Variants in SESN3 observed in about 807,000 individuals in gnomAD.
SESN3 encodes sestrin 3.
A neutral mutation model predicts 55.3 loss-of-function variants in SESN3; 21 were observed. The observed-to-expected ratio is 0.38, with a 90% CI of 0.27 to 0.55. The LOEUF is 0.55. Ranked by LOEUF, SESN3 falls within the 20% of genes least tolerant of loss-of-function variation. The pLI is 0.76. For missense variants in SESN3, 408 were observed against 604.3 expected (o/e 0.68, Z 3.41); for synonymous variants, 181 against 203.1 (o/e 0.89, Z 0.93).
chr11:95,229,627 G>A (rs560924242), intron 1 of SESN3, among the ~76,000 whole-genome samples: 11 of 152,254 alleles, frequency 7.2e-5, no homozygotes, highest in Admixed American at 5.9e-4. Flanking sequence ...TGGACAAAGA[G>A]CGCAAATATT....
intron 1 of SESN3, among the ~76,000 whole-genome samples, chr11:95,211,665 G>A (rs1046130266): frequency 1.3e-4 from 20 of 152,160 alleles, no homozygotes; most frequent in African/African-American, 4.8e-4. Flanking sequence ...AGCTACTCAG[G>A]AGGCTGAGGC....
At chr11:95,211,841 C>A (rs1475976277) in intron 1 of SESN3, among the ~76,000 whole-genome samples, 1 of 151,816 alleles carries the variant, frequency 6.6e-6, no homozygotes, top group African/African-American at 2.4e-5. Flanking sequence ...AACTAGACAA[C>A]ATGTTTAGAA....
chr11:95,229,178 T>C (rs1861002846), intron 1 of SESN3, among the ~76,000 whole-genome samples: 1 of 152,180 alleles, frequency 6.6e-6, no homozygotes, highest in Non-Finnish European at 1.5e-5. Flanking sequence ...GTCAAAGACA[T>C]AACATAAATT....
chr11:95,230,844 C>A lies in SESN3; in HGVS notation c.17G>T (p.Gly6Val). 6.3e-7 allele frequency: 1 copy of A among 1,581,184 alleles called. No individual in the cohort carries two copies. The highest frequency in any genetic ancestry group is 1.8e-5 in the Admixed American group (1 of 56,534). Residue 6 changes from glycine to valine, a missense_variant, in exon 1 of 10, where the codon GGC becomes GTC. Physicochemically the swap from Gly to Val is moderately radical, Grantham distance 109. This residue lies in a region of SESN3 where 61 missense variants were observed against 48.3 expected (regional missense o/e 1.26). Transcript: ENST00000536441. This position sits in a 1 kb window ranked among gnomAD's most constrained non-coding sequence, Gnocchi z 4.6. MNRGG[G>V]SPSAAANYLL... ...GTAGTTGGCGGCGGCCGACGGGCTG[C>A]CGCCGCCCCGGTTCATCGTGGCTGC...
chr11:95,181,980 A>G (rs1305708560), intron 6 of SESN3, among the ~76,000 whole-genome samples: 2 of 152,090 alleles, frequency 1.3e-5, no homozygotes, highest in Non-Finnish European at 2.9e-5. Flanking sequence ...ATATATATGT[A>G]TGCGGAGGGG....
At chr11:95,211,623 G>A (rs11021078) in intron 1 of SESN3, among the ~76,000 whole-genome samples, 42,276 of 151,932 alleles carry the variant, frequency 0.28, 6,308 homozygotes, top group Admixed American at 0.33. Flanking sequence ...TACAAAAATT[G>A]GCTGGGCATG....
At chr11:95,193,749 A>C (rs555295549) in intron 1 of SESN3, among the ~76,000 whole-genome samples, 3 of 152,124 alleles carry the variant, frequency 2.0e-5, no homozygotes, top group Non-Finnish European at 4.4e-5. Flanking sequence ...CAGCCTCCTC[A>C]AAATGTCATA....
intron 4 of SESN3, among the ~76,000 whole-genome samples, chr11:95,186,477 G>GAGAT (rs1471928072): frequency 1.3e-5 from 2 of 151,862 alleles, no homozygotes; most frequent in African/African-American, 4.8e-5. Context: ...ATGGCCAGGG[G>GAGAT]AGATAGGAAA....
intron 9 of SESN3, among the ~76,000 whole-genome samples, chr11:95,174,687 A>T: frequency 6.6e-6 from 1 of 152,046 alleles, no homozygotes; most frequent in East Asian, 1.9e-4. Flanking sequence ...GTTTCACTAC[A>T]TGTTGGCCTG....
At chr11:95,184,324 A>G (rs916578260) in intron 6 of SESN3, 96 bp downstream of exon 6, 1 of 957,112 alleles carries the variant, frequency 1.0e-6, no homozygotes, top group African/African-American at 1.6e-5. Flanking sequence ...GAAAGATGGT[A>G]GCAGAATCAT....
rs1158676215 is a variant in SESN3 at position 95,207,821 on chromosome 11, TG to T, written c.79-14300del. Among the ~76,000 whole-genome samples, 6 of 151,008 alleles carry T rather than the reference TG, an allele frequency of 4.0e-5. No homozygotes were observed. In the South Asian group the frequency reaches 1.1e-3, roughly 27 times the overall value. On this transcript the variant is annotated intron_variant, in intron 1 of 9. Coordinates refer to ENST00000536441, the MANE Select transcript of SESN3 (RefSeq NM_144665.4). The stretch of plus-strand genomic sequence containing the variant: ...ATTCTCTTCAATGTTCTATACTATA[TG>T]TTTTTTTTGTTTTGTTTTGTTTTGT...
intron 6 of SESN3, among the ~76,000 whole-genome samples, chr11:95,180,020 T>C (rs1860030837): frequency 6.6e-6 from 1 of 152,214 alleles, no homozygotes; most frequent in Non-Finnish European, 1.5e-5. Flanking sequence ...TTTACTATTT[T>C]TTCTGATTTT....
At chr11:95,214,368 G>A (rs911354184) in intron 1 of SESN3, among the ~76,000 whole-genome samples, 13 of 152,152 alleles carry the variant, frequency 8.5e-5, no homozygotes, top group African/African-American at 3.1e-4. Flanking sequence ...CTCAAAATTA[G>A]ATACAACCAA....
At chr11:95,191,275 G>C in intron 3 of SESN3, 129 bp downstream of exon 3, 1 of 731,552 alleles carries the variant, frequency 1.4e-6, no homozygotes, top group Non-Finnish European at 2.4e-6. Flanking sequence ...AAGGCCATAG[G>C]CTTCTTCAGT....
chr11:95,200,830 T>G (rs963812263), intron 1 of SESN3: 2 of 152,036 alleles, frequency 1.3e-5, no homozygotes, highest in Non-Finnish European at 2.9e-5. Flanking sequence ...ACATATGAAA[T>G]TCGATTTTTA....
chr11:95,186,769 A>C (rs780380622), intron 4 of SESN3, among the ~76,000 whole-genome samples: 97 of 151,940 alleles, frequency 6.4e-4, no homozygotes, highest in Admixed American at 1.8e-3. Flanking sequence ...AGTGATCTTA[A>C]GACAAAAATA....
chr11:95,182,641 A>C (rs562083650), intron 6 of SESN3, among the ~76,000 whole-genome samples: 2 of 152,328 alleles, frequency 1.3e-5, no homozygotes, highest in South Asian at 4.1e-4. Flanking sequence ...GCTGTGCAAG[A>C]CATTTCCAGA....
chr11:95,186,194 CTGTGTGTGTGTGTGTGTGTGTGTG>C (rs35466696), intron 4 of SESN3, among the ~76,000 whole-genome samples: 3 of 107,552 alleles, frequency 2.8e-5, no homozygotes, highest in Non-Finnish European at 5.7e-5. Flanking sequence ...CTATCTCTCA[CTGTGTGTGTGTGTGTGTGTGTGTG>C]TGTGTGTGTG....
chr11:95,168,933 C>T lies in SESN3; in HGVS notation c.*4322G>A, dbSNP rs1008179524. On this transcript the variant is annotated 3_prime_UTR_variant, in exon 10 of 10. Coordinates refer to ENST00000536441, the MANE Select transcript of SESN3 (RefSeq NM_144665.4). Reference sequence around the variant, plus strand: ...GTGGACTGAATGCAGACAGGACCTCCCACATGGGAAATATTTTCTCTAGAT... The same window carrying T: ...GTGGACTGAATGCAGACAGGACCTCTCACATGGGAAATATTTTCTCTAGAT... 6.6e-6 allele frequency: 1 copy of T among 152,222 alleles called. No homozygotes were observed. The highest frequency in any genetic ancestry group is 2.4e-5 in the African/African-American group (1 of 41,430). The allele number at this position is 152,222 out of a possible 1,614,324, so 9.4% of individuals were successfully genotyped here.
Sources: gnomAD v4.1 joint callset for allele counts (sites outside exome capture counted in the v4.1 genomes callset) on GRCh38, gnomAD v4.1.1 for gene constraint, gnomAD v4.1.1 regional missense constraint, Gnocchi (gnomAD v3.1) non-coding constraint, MANE v1.5 for transcripts, NCBI Gene and HGNC (gene_info 2026-07-23, HGNC 2026-07-21) for gene names.